Variants in EPSTI1 observed in about 807,000 individuals in gnomAD.
The protein encoded by EPSTI1 is epithelial-stromal interaction protein 1.
Under a neutral mutation model 49.9 loss-of-function variants are expected in EPSTI1, and 66 were observed. The ratio of observed to expected loss-of-function variants is 1.32; its 90% CI spans 1.08 to 1.62. The LOEUF (loss-of-function observed/expected upper bound fraction) is 1.62. Among genes scored for constraint, EPSTI1 ranks in the 40% most tolerant of loss-of-function variants. EPSTI1 has a pLI of 0.00. For synonymous variants in EPSTI1, 137 were observed against 130.7 expected, an observed-to-expected ratio of 1.05 and a Z score of -0.33; for missense variants, 394 against 365.5, an observed-to-expected ratio of 1.08 and a Z score of -0.64.
In EPSTI1 at chr13:42,927,424, C is replaced by T. The variant is rs188296139; in HGVS notation, c.564-995G>A. ...ACTGACTTACTTTGCACCAGACTTG[C>T]GCAGCCTGTTCCCATCTCCCTCCCT... On this transcript the variant is annotated intron_variant, in intron 6 of 10. Coordinates refer to ENST00000313624, the MANE Select transcript of EPSTI1 (RefSeq NM_033255.5). Among the ~76,000 whole-genome samples, 304 of 152,308 alleles carry T rather than the reference C, an allele frequency of 2.0e-3. 3 individuals are homozygous for T. The highest frequency in any genetic ancestry group is 7.0e-3 in the African/African-American group (289 of 41,558).
chr13:42,970,354 G>A (rs1343383550), intron 2 of EPSTI1: 2 of 370,850 alleles, frequency 5.4e-6, no homozygotes, highest in Non-Finnish European at 9.6e-6. Flanking sequence ...TTGGCAATAA[G>A]TGTAAAGTTG....
intron 6 of EPSTI1, among the ~76,000 whole-genome samples, chr13:42,935,982 C>A (rs1204571659): frequency 2.0e-5 from 3 of 152,160 alleles, no homozygotes; most frequent in Admixed American, 1.3e-4. Flanking sequence ...AGAAATAAGT[C>A]TTTCATCTTC....
chr13:42,890,359 G>A (rs1027025018), intron 10 of EPSTI1, among the ~76,000 whole-genome samples: 1 of 143,532 alleles, frequency 7.0e-6, no homozygotes, highest in African/African-American at 2.6e-5. Context: ...CTGTGGTGGC[G>A]CAATCCCTGC....
intron 7 of EPSTI1, among the ~76,000 whole-genome samples, chr13:42,923,886 A>G (rs1456105975): frequency 6.6e-6 from 1 of 152,268 alleles, no homozygotes; most frequent in Non-Finnish European, 1.5e-5. Flanking sequence ...GGAGAAAAGT[A>G]CAAGAGGAAA....
chr13:42,963,361 A>G, intron 4 of EPSTI1, 23 bp from the exon 5 acceptor site: 5 of 1,579,058 alleles, frequency 3.2e-6, no homozygotes, highest in Non-Finnish European at 4.3e-6. Flanking sequence ...GAAATTACAG[A>G]GAACAAAAAC....
intron 1 of EPSTI1, among the ~76,000 whole-genome samples, chr13:42,983,589 A>AAAAAAAAAAAAAT (rs2040027554): frequency 7.4e-6 from 1 of 135,612 alleles, no homozygotes; most frequent in Non-Finnish European, 1.6e-5. Context: ...AAAAAAAAAA[A>AAAAAAAAAAAAAT]CAATGATAAG....
intron 6 of EPSTI1, among the ~76,000 whole-genome samples, chr13:42,947,302 CA>C (rs57442134): frequency 8.0e-6 from 1 of 124,352 alleles, no homozygotes; most frequent in Non-Finnish European, 2.0e-5. Flanking sequence ...CCAGACATTT[CA>C]AAAAAAAAGT....
intron 10 of EPSTI1, among the ~76,000 whole-genome samples, chr13:42,890,123 T>A (rs1216041098): frequency 6.6e-6 from 1 of 152,172 alleles, no homozygotes; most frequent in Non-Finnish European, 1.5e-5. Context: ...TCCCCATATA[T>A]ACTTCTTTAT....
intron 5 of EPSTI1, among the ~76,000 whole-genome samples, chr13:42,959,885 A>G (rs2039393861): frequency 6.6e-6 from 1 of 152,230 alleles, no homozygotes; most frequent in African/African-American, 2.4e-5. Flanking sequence ...GATGAGGAAT[A>G]GACGGTTGCA....
chr13:42,967,889 C>T (rs1171269741), intron 3 of EPSTI1, among the ~76,000 whole-genome samples: 2 of 152,152 alleles, frequency 1.3e-5, no homozygotes, highest in East Asian at 3.8e-4. Flanking sequence ...GAGAAAAGTC[C>T]AGCCACACCC....
chr13:42,903,376 C>T (rs2037414689), intron 8 of EPSTI1, among the ~76,000 whole-genome samples: 1 of 151,986 alleles, frequency 6.6e-6, no homozygotes. Context: ...CATATGAGAA[C>T]ACATGGATGG....
intron 1 of EPSTI1, among the ~76,000 whole-genome samples, chr13:42,980,122 G>C (rs1190512665): frequency 6.6e-6 from 1 of 151,888 alleles, no homozygotes; most frequent in Admixed American, 6.6e-5. Context: ...GATTCGATTA[G>C]GTTAAACATT....
intron 7 of EPSTI1, among the ~76,000 whole-genome samples, chr13:42,921,645 G>T (rs972650283): frequency 6.6e-5 from 10 of 152,262 alleles, no homozygotes; most frequent in African/African-American, 2.2e-4. Context: ...ATGGCCCGGG[G>T]AGCTTTTTTA....
chr13:42,955,881 G>GC (rs548889452), intron 5 of EPSTI1, among the ~76,000 whole-genome samples: 10 of 121,418 alleles, frequency 8.2e-5, no homozygotes, highest in Admixed American at 2.4e-4. Flanking sequence ...AGTATTTGGG[G>GC]GGGGGGGGAA....
At chr13:42,968,228 C>A (rs191312647) in intron 3 of EPSTI1, among the ~76,000 whole-genome samples, 1 of 152,028 alleles carries the variant, frequency 6.6e-6, no homozygotes. Flanking sequence ...TTGAGATTAG[C>A]CCTTTTCACG....
chr13:42,967,710 G>A (rs2039659101), intron 3 of EPSTI1, among the ~76,000 whole-genome samples: 1 of 152,102 alleles, frequency 6.6e-6, no homozygotes, highest in Admixed American at 6.5e-5. Flanking sequence ...CAGAGAGTGG[G>A]GGATGCTGAA....
chr13:42,969,350 C>T, intron 2 of EPSTI1, 173 bp from the exon 3 acceptor site: 1 of 644,100 alleles, frequency 1.6e-6, no homozygotes, highest in Non-Finnish European at 2.6e-6. Flanking sequence ...ACAGGTCATC[C>T]TGGGCCCGGC....
intron 10 of EPSTI1, among the ~76,000 whole-genome samples, chr13:42,894,471 T>C (rs998454990): frequency 8.5e-5 from 13 of 152,212 alleles, no homozygotes; most frequent in African/African-American, 2.9e-4. Context: ...ACAAAATACA[T>C]TAAACACATA....
At chr13:42,918,544 A>C (rs2037903163) in intron 7 of EPSTI1, among the ~76,000 whole-genome samples, 1 of 152,204 alleles carries the variant, frequency 6.6e-6, no homozygotes, top group Non-Finnish European at 1.5e-5. Flanking sequence ...GTGAACTTTT[A>C]TGTAACTTTT....
Sources: allele counts gnomAD v4.1 joint callset (sites outside exome capture counted in the v4.1 genomes callset), GRCh38; gene constraint gnomAD v4.1.1; transcripts MANE v1.5; gene names NCBI Gene and HGNC (gene_info 2026-07-23, HGNC 2026-07-21).